Variants in SLIT3 observed in about 807,000 individuals in gnomAD.
The protein encoded by SLIT3 is slit guidance ligand 3.
A neutral mutation model predicts 184.0 loss-of-function variants in SLIT3; 68 were observed. The ratio of observed to expected loss-of-function variants is 0.37; its 90% confidence interval spans 0.30 to 0.45. SLIT3 has a LOEUF of 0.45. SLIT3 is among the 20% of genes least tolerant of loss of function. The pLI is 1.00. For missense variants in SLIT3, 1,707 were observed against 2,026.0 expected (o/e 0.84, Z 3.02); for synonymous variants, 831 against 828.6 (o/e 1.00, Z -0.05).
chr5:168,899,803 C>CT (rs1554157676), intron 4 of SLIT3, among the ~76,000 whole-genome samples: 17 of 28,288 alleles, frequency 6.0e-4, no homozygotes, highest in Non-Finnish European at 2.9e-3. Flanking sequence ...AACATTGCCC[C>CT]TAAGATGACA....
rs776594376 is a variant in SLIT3, at chr5:169,052,189, C to A, written c.413+141290G>T. Among the ~76,000 whole-genome samples the A allele has an allele frequency of 2.0e-5, 3 of 152,156 alleles. No homozygotes were observed. In the South Asian group the frequency reaches 6.2e-4, roughly 32 times the overall value. On this transcript the variant is annotated intron_variant, in intron 4 of 35. Transcript: ENST00000519560. The stretch of plus-strand genomic sequence containing the variant: ...TAAAGACAGAGAGGGCTCCTTCACC[C>A]ACATGGAAACATGAAAAGAAAATGA...
At chr5:168,976,534 C>T (rs1561585130) in intron 4 of SLIT3, among the ~76,000 whole-genome samples, 1 of 152,152 alleles carries the variant, frequency 6.6e-6, no homozygotes, top group East Asian at 1.9e-4. Context: ...TTCAACTAGC[C>T]TCGCTCCCAA....
chr5:169,161,751 G>A (rs566662929), intron 4 of SLIT3, among the ~76,000 whole-genome samples: 44 of 152,132 alleles, frequency 2.9e-4, no homozygotes, highest in South Asian at 2.1e-4. Flanking sequence ...CTGGGAATGG[G>A]GAAGAGACAG....
At chr5:168,953,029 TG>T (rs1470795878) in intron 4 of SLIT3, among the ~76,000 whole-genome samples, 1 of 152,078 alleles carries the variant, frequency 6.6e-6, no homozygotes, top group Non-Finnish European at 1.5e-5. Flanking sequence ...AGACATCACC[TG>T]GGGGATTGTG....
intron 8 of SLIT3, among the ~76,000 whole-genome samples, chr5:168,815,779 G>A (rs1011108429): frequency 1.3e-5 from 2 of 152,234 alleles, no homozygotes; most frequent in African/African-American, 4.8e-5. Flanking sequence ...GAGCAGAAGA[G>A]GCCAGAGAGT....
chr5:169,261,333 A>T (rs978175162), intron 1 of SLIT3, among the ~76,000 whole-genome samples: 3 of 152,230 alleles, frequency 2.0e-5, no homozygotes, highest in African/African-American at 7.2e-5. Flanking sequence ...AACAAAAAAA[A>T]ACCCCAGCAT....
intron 4 of SLIT3, among the ~76,000 whole-genome samples, chr5:169,104,796 A>G (rs1760143491): frequency 6.6e-6 from 1 of 152,158 alleles, no homozygotes. Flanking sequence ...CAGCAGCTCA[A>G]AAGAAAACTC....
intron 4 of SLIT3, among the ~76,000 whole-genome samples, chr5:169,036,632 T>A (rs968401539): frequency 1.9e-4 from 29 of 151,380 alleles, no homozygotes; most frequent in African/African-American, 6.6e-4. Context: ...TGTAACTCTA[T>A]CCTCAGCCCT....
In SLIT3 at chr5:168,832,347, A is replaced by G. The variant is rs181849679; in HGVS notation, c.558-9016T>C. Among the ~76,000 whole-genome samples, 26 of 152,388 alleles carry G rather than the reference A, an allele frequency of 1.7e-4. No homozygotes were observed. The East Asian group carries it at 4.0e-3, about 24-fold the overall frequency. ...GTGCCTAGCCAGTAAGAGAGGAAGA[A>G]GAGGGACATTTTGAAAATATCCATG... On this transcript the variant is annotated intron_variant, in intron 6 of 35. Coordinates refer to ENST00000519560, the MANE Select transcript of SLIT3 (RefSeq NM_003062.4).
chr5:169,128,542 C>G (rs1031912153), intron 4 of SLIT3, among the ~76,000 whole-genome samples: 1 of 152,112 alleles, frequency 6.6e-6, no homozygotes, highest in African/African-American at 2.4e-5. Context: ...TATTCTCCTG[C>G]CTCAGCTTCC....
At chr5:168,962,016 C>A (rs1050595195) in intron 4 of SLIT3, among the ~76,000 whole-genome samples, 4 of 152,184 alleles carry the variant, frequency 2.6e-5, no homozygotes, top group South Asian at 4.1e-4. Context: ...CTGTTGGCTC[C>A]TCCACGGTAC....
intron 9 of SLIT3, among the ~76,000 whole-genome samples, chr5:168,798,217 C>CTTTTTTTTT (rs1448584547): frequency 2.2e-4 from 18 of 81,170 alleles, no homozygotes; most frequent in African/African-American, 1.2e-3. Flanking sequence ...TTTTCTTCTT[C>CTTTTTTTTT]TTCTTCTTTT....
intron 3 of SLIT3, among the ~76,000 whole-genome samples, chr5:169,229,219 T>G (rs1415741825): frequency 6.6e-6 from 1 of 151,634 alleles, no homozygotes; most frequent in Non-Finnish European, 1.5e-5. Context: ...CAGCTATTTT[T>G]TTTTTCCAAA....
At chr5:169,104,003 G>C (rs1446103215) in intron 4 of SLIT3, among the ~76,000 whole-genome samples, 1 of 152,224 alleles carries the variant, frequency 6.6e-6, no homozygotes, top group Admixed American at 6.5e-5. Context: ...GCTACAACTT[G>C]TCAGGGATCC....
chr5:169,084,072 A>G (rs1253534596), intron 4 of SLIT3, among the ~76,000 whole-genome samples: 1 of 152,160 alleles, frequency 6.6e-6, no homozygotes, highest in African/African-American at 2.4e-5. Context: ...GTAAGAATCA[A>G]AAGATTTCTG....
intron 23 of SLIT3, among the ~76,000 whole-genome samples, chr5:168,715,743 G>C (rs1336926190): frequency 6.6e-6 from 1 of 152,168 alleles, no homozygotes; most frequent in Non-Finnish European, 1.5e-5. Flanking sequence ...CACGATCTTG[G>C]CCCACTGCAA....
chr5:169,288,731 C>T (rs1767242356), intron 1 of SLIT3, among the ~76,000 whole-genome samples: 1 of 152,166 alleles, frequency 6.6e-6, no homozygotes, highest in African/African-American at 2.4e-5. Flanking sequence ...TGGACACTGT[C>T]ACTTATTAAT....
chr5:168,723,805 C>A (rs966568545), intron 21 of SLIT3, among the ~76,000 whole-genome samples: 2 of 152,098 alleles, frequency 1.3e-5, no homozygotes, highest in Admixed American at 6.5e-5. Flanking sequence ...GAGTTCCATG[C>A]CCAGGTATTC....
intron 1 of SLIT3, among the ~76,000 whole-genome samples, chr5:169,279,473 G>A (rs1766925433): frequency 6.6e-6 from 1 of 152,110 alleles, no homozygotes. Context: ...CATACATACA[G>A]AAAAGGAAGA....
Sources: gnomAD v4.1 joint callset for allele counts (sites outside exome capture counted in the v4.1 genomes callset) on GRCh38, gnomAD v4.1.1 for gene constraint, MANE v1.5 for transcripts, NCBI Gene and HGNC (gene_info 2026-07-23, HGNC 2026-07-21) for gene names.